NAV3: variants seen among roughly 807,000 people sequenced by gnomAD.
The protein encoded by NAV3 is neuron navigator 3.
NAV3 carries 87 observed loss-of-function variants against 244.7 expected under a neutral mutation model. That is an observed-to-expected ratio of 0.36 (90% CI 0.30 to 0.42). The LOEUF is 0.42. NAV3 is among the 20% of genes least tolerant of loss of function. NAV3 has a pLI of 1.00. For missense variants in NAV3, 2,663 were observed against 2,893.3 expected, an observed-to-expected ratio of 0.92 and a Z score of 1.83; for synonymous variants, 1,126 against 1,042.2, an observed-to-expected ratio of 1.08 and a Z score of -1.55.
chr12:77,942,509 A>C (rs1341851656), intron 3 of NAV3, among the ~76,000 whole-genome samples: 1 of 152,156 alleles, frequency 6.6e-6, no homozygotes, highest in African/African-American at 2.4e-5. Context: ...AAAAGAAAGG[A>C]TTTCTATACA....
At position 78,006,723 on chromosome 12, in the gene NAV3, T is replaced by G; in HGVS notation, c.1185T>G (p.Thr395=). Residue 395 remains threonine, a synonymous_variant, in exon 8 of 40, where the codon ACT becomes ACG. Coordinates refer to ENST00000397909, the MANE Select transcript of NAV3 (RefSeq NM_001024383.2). The stretch of plus-strand genomic sequence containing the variant: ...AATTCAAGCTAGTCAATGCCCGGAC[T>G]GCTTTACGCCCCCCGCAGCCTCCCA... The part of the protein sequence containing the change: ...LEKFKLVNAR[T]ALRPPQPPSS... 6.2e-7 allele frequency: 1 copy of G among 1,614,188 alleles called. No individual in the cohort carries two copies. The highest frequency in any genetic ancestry group is 8.5e-7 in the Non-Finnish European group (1 of 1,180,050).
At chr12:77,883,026 G>T in intron 1 of NAV3, among the ~76,000 whole-genome samples, 1 of 152,148 alleles carries the variant, frequency 6.6e-6, no homozygotes. Context: ...AAGCAGTTTG[G>T]AGATTTCTCA....
intron 1 of NAV3, among the ~76,000 whole-genome samples, chr12:77,882,056 A>T (rs1352202225): frequency 6.6e-6 from 1 of 152,138 alleles, no homozygotes; most frequent in East Asian, 1.9e-4. Flanking sequence ...GGAATTTTTC[A>T]TAGAATTAGA....
chr12:77,815,827 C>T (rs1258129101), intron 2 of NAV3, among the ~76,000 whole-genome samples: 2 of 152,058 alleles, frequency 1.3e-5, no homozygotes, highest in Non-Finnish European at 2.9e-5. Context: ...TACTTAGCAA[C>T]TTTTAGATAT....
At chr12:78,103,165 C>T (rs763070549) in intron 12 of NAV3, among the ~76,000 whole-genome samples, 6 of 152,080 alleles carry the variant, frequency 3.9e-5, no homozygotes, top group East Asian at 1.9e-4. Flanking sequence ...TAACAACACC[C>T]GTCACCTCTT....
chr12:78,204,605 A>G (rs1419495988), intron 38 of NAV3, among the ~76,000 whole-genome samples: 1 of 152,008 alleles, frequency 6.6e-6, no homozygotes, highest in African/African-American at 2.4e-5. Context: ...TTATTTTTCA[A>G]CCTTTAGTTT....
intron 5 of NAV3, among the ~76,000 whole-genome samples, chr12:77,983,378 A>G (rs780794362): frequency 1.1e-4 from 17 of 152,182 alleles, no homozygotes; most frequent in Non-Finnish European, 2.2e-4. Context: ...GACAATCATC[A>G]CGTCTCTACT....
rs2137252089 is a variant in NAV3 at position 78,050,915 on chromosome 12, G to A, written c.2284G>A (p.Gly762Ser). The part of the protein sequence containing the change: ...QAGDAPSLGA[G>S]YPRSGTSRFI... ...GGGAGATGCTCCCTCCCTGGGTGCT[G>A]GCTATCCTCGCAGTGGTACCAGTCG... The change falls in exon 11 of 40, where the codon GGC becomes AGC. Residue 762 changes from glycine to serine, a missense_variant. Around this residue, in one of 6 missense-constraint regions of NAV3, gnomAD observed 1,521 missense variants for 1,497.0 expected, o/e 1.02. Transcript: ENST00000397909. 6.2e-7 allele frequency: 1 copy of A among 1,614,044 alleles called. No homozygotes were observed.
intron 9 of NAV3, chr12:78,036,794 A>T (rs1405334406): frequency 8.2e-6 from 5 of 607,286 alleles, no homozygotes; most frequent in Non-Finnish European, 1.2e-5. Flanking sequence ...AATCAAATGG[A>T]TCAGTTACAA....
At chr12:77,873,396 CA>C (rs1881285099) in intron 1 of NAV3, among the ~76,000 whole-genome samples, 2 of 151,988 alleles carry the variant, frequency 1.3e-5, no homozygotes, top group South Asian at 4.2e-4. Context: ...ACAAATGTGA[CA>C]AATCGTTACT....
intron 1 of NAV3, among the ~76,000 whole-genome samples, chr12:77,895,495 A>G (rs1884490060): frequency 2.0e-5 from 3 of 152,110 alleles, no homozygotes; most frequent in African/African-American, 7.2e-5. Flanking sequence ...TACTCTCCAA[A>G]TAAAAGCTAA....
chr12:77,682,664 G>T (rs1317996205), intron 2 of NAV3, among the ~76,000 whole-genome samples: 1 of 151,970 alleles, frequency 6.6e-6, no homozygotes, highest in Non-Finnish European at 1.5e-5. Flanking sequence ...GCCAGTACTT[G>T]TTATCATTTG....
At chr12:78,193,146 AAG>A (rs1444057064) in intron 34 of NAV3, among the ~76,000 whole-genome samples, 1 of 152,212 alleles carries the variant, frequency 6.6e-6, no homozygotes, top group Non-Finnish European at 1.5e-5. Context: ...TTCAGAAAAA[AAG>A]AAGAAACTCA....
intron 9 of NAV3, among the ~76,000 whole-genome samples, chr12:78,028,598 G>A (rs1878461965): frequency 6.6e-6 from 1 of 152,124 alleles, no homozygotes; most frequent in Non-Finnish European, 1.5e-5. Context: ...AACTTGCTGT[G>A]ATAACCAAAA....
chr12:77,963,522 A>G (rs564605372), intron 3 of NAV3, among the ~76,000 whole-genome samples: 3 of 152,190 alleles, frequency 2.0e-5, no homozygotes, highest in Non-Finnish European at 2.9e-5. Flanking sequence ...CATGTTTATT[A>G]TGCTGATACA....
rs1259201927 is a variant in NAV3 at position 78,183,285 on chromosome 12, G to A, written c.5692+2240G>A. ...AATATTCTCTGAACTGGGGAGATTC[G>A]GAGTCATGATGTGAGCCACCCACAG... On this transcript the variant is annotated intron_variant, in intron 30 of 39. Coordinates refer to ENST00000397909, the MANE Select transcript of NAV3 (RefSeq NM_001024383.2). Among the ~76,000 whole-genome samples, 7 of 151,902 alleles carry A rather than the reference G, an allele frequency of 4.6e-5. No homozygotes were observed. In the East Asian group the frequency reaches 5.8e-4, roughly 13 times the overall value.
intron 2 of NAV3, among the ~76,000 whole-genome samples, chr12:77,613,210 T>G (rs777266650): frequency 7.9e-5 from 12 of 152,228 alleles, no homozygotes; most frequent in Non-Finnish European, 1.5e-5. Context: ...CAGAGTTTGC[T>G]CAGAATAGAA....
At chr12:77,766,735 GTTTTTTTTTTTTTTTTTT>G (rs748531378) in intron 2 of NAV3, among the ~76,000 whole-genome samples, 8 of 60,516 alleles carry the variant, frequency 1.3e-4, no homozygotes, top group African/African-American at 4.4e-4. Flanking sequence ...AGGCAATTAA[GTTTTTTTTTTTTTTTTTT>G]TTTTTTTTTT....
chr12:77,888,560 C>G (rs2136707552), intron 1 of NAV3, among the ~76,000 whole-genome samples: 1 of 152,226 alleles, frequency 6.6e-6, no homozygotes, highest in South Asian at 2.1e-4. Context: ...TATCTTAATA[C>G]AGTAAGACAA....
Sources: allele counts gnomAD v4.1 joint callset (sites outside exome capture counted in the v4.1 genomes callset), GRCh38; gene constraint gnomAD v4.1.1; regional missense constraint gnomAD v4.1.1; transcripts MANE v1.5; gene names NCBI Gene and HGNC (gene_info 2026-07-23, HGNC 2026-07-21).